The following DOCK3 variants were observed in gnomAD, a reference collection of about 807,000 sequenced individuals.
The protein encoded by DOCK3 is dedicator of cytokinesis 3, also known as dedicator of cytokinesis protein 3.
Under a neutral mutation model 265.6 loss-of-function variants are expected in DOCK3, and 60 were observed. The ratio of observed to expected loss-of-function variants is 0.23; its 90% CI spans 0.18 to 0.28. DOCK3 has a LOEUF of 0.28. Ranked by LOEUF, DOCK3 falls within the 10% of genes least tolerant of loss-of-function variation. DOCK3 has a pLI of 1.00. For synonymous variants in DOCK3, 881 were observed against 938.0 expected (o/e 0.94, Z 1.11); for missense variants, 1,981 against 2,594.3 (o/e 0.76, Z 5.14).
At position 51,354,862 on chromosome 3, in the gene DOCK3, T is replaced by C; in HGVS notation, c.4108-20T>C. ...CTACAAGCAAAGCATACATAGAGTG[T>C]GCTCTTCTGTTTGTGGCAGAACAAA... is the stretch of plus-strand genomic sequence containing the variant. On this transcript the variant is annotated intron_variant, in intron 40 of 52. Coordinates refer to ENST00000266037, the MANE Select transcript of DOCK3 (RefSeq NM_004947.5). 6.2e-7 allele frequency: 1 copy of C among 1,611,706 alleles called. No individual in the cohort carries two copies. Among genetic ancestry groups the C allele is most frequent in the South Asian group, 1.1e-5 (1 of 90,684 alleles).
chr3:51,189,433 G>A (rs1397675673), intron 12 of DOCK3, among the ~76,000 whole-genome samples: 1 of 151,922 alleles, frequency 6.6e-6, no homozygotes, highest in Non-Finnish European at 1.5e-5. Context: ...CCCTTTCTGA[G>A]TCTCTAAAGT....
At chr3:50,733,477 C>T (rs572721706) in intron 1 of DOCK3, among the ~76,000 whole-genome samples, 86 of 152,188 alleles carry the variant, frequency 5.7e-4, no homozygotes, top group Admixed American at 1.8e-3. Context: ...TATATAATGC[C>T]CATATTTGTC....
At chr3:51,375,613 C>A in intron 50 of DOCK3, 135 bp from the exon 51 acceptor site, 1 of 958,720 alleles carries the variant, frequency 1.0e-6, no homozygotes, top group Non-Finnish European at 1.6e-6. Context: ...CAGTATATCT[C>A]AAGTGTGAGC....
intron 1 of DOCK3, among the ~76,000 whole-genome samples, chr3:50,691,384 A>G (rs182991119): frequency 2.6e-5 from 4 of 151,744 alleles, no homozygotes; most frequent in Admixed American, 2.6e-4. Context: ...GGTGTAGTCT[A>G]TGTTAGAACT....
chr3:51,260,219 G>C lies in DOCK3; in HGVS notation c.2248G>C (p.Gly750Arg). 6.2e-7 allele frequency: 1 copy of C among 1,613,856 alleles called. No individual in the cohort carries two copies. The highest frequency in any genetic ancestry group is 8.5e-7 in the Non-Finnish European group (1 of 1,179,846). ...GATCCTGTACTCACGAGCCACTTGT[G>C]GAATGGAAGAGGAACAATTCAGATC... Reference protein sequence around the residue: ...SRILYSRATCGMEEEQFRSSI... With the variant: ...SRILYSRATCRMEEEQFRSSI... The change falls in exon 23 of 53, where the codon GGA (glycine) becomes CGA (arginine). Residue 750 changes from glycine (G) to arginine (R), a missense_variant. Gly to Arg is a moderately radical substitution (Grantham distance 125). Around this residue, in one of 4 missense-constraint regions of DOCK3, gnomAD observed 1,357 missense variants for 1,866.8 expected, o/e 0.73. Transcript: ENST00000266037.
chr3:50,895,204 C>A, intron 4 of DOCK3, among the ~76,000 whole-genome samples: 1 of 121,956 alleles, frequency 8.2e-6, no homozygotes, highest in African/African-American at 3.0e-5. Flanking sequence ...TTTATCCCCG[C>A]TTTTTTTTTT....
chr3:50,773,814 A>G (rs1199708329), intron 1 of DOCK3, among the ~76,000 whole-genome samples: 2 of 152,018 alleles, frequency 1.3e-5, no homozygotes, highest in Non-Finnish European at 2.9e-5. Flanking sequence ...AGGGTGGACC[A>G]TTTATTTTTC....
intron 5 of DOCK3, among the ~76,000 whole-genome samples, chr3:51,063,891 G>A (rs1267706858): frequency 2.6e-5 from 4 of 152,146 alleles, no homozygotes; most frequent in Admixed American, 6.5e-5. Context: ...AGAGGGAGTC[G>A]GGGAAGGACA....
At chr3:50,901,049 T>C (rs1025973269) in intron 4 of DOCK3, 11 of 308,246 alleles carry the variant, frequency 3.6e-5, no homozygotes, top group African/African-American at 2.5e-4. Flanking sequence ...GGCTGGAACA[T>C]TTAAGTCTGC....
At chr3:50,687,035 C>T (rs978910432) in intron 1 of DOCK3, among the ~76,000 whole-genome samples, 1 of 151,582 alleles carries the variant, frequency 6.6e-6, no homozygotes, top group South Asian at 2.1e-4. Context: ...CATGGTGAAA[C>T]CCCATCGCTA....
chr3:51,133,322 C>T (rs1346810440), intron 9 of DOCK3, among the ~76,000 whole-genome samples: 1 of 114,086 alleles, frequency 8.8e-6, no homozygotes, highest in African/African-American at 3.3e-5. Flanking sequence ...CCTCCCCCCA[C>T]CCCATGACAG....
intron 3 of DOCK3, among the ~76,000 whole-genome samples, chr3:50,847,853 A>T (rs1298682693): frequency 2.5e-5 from 3 of 120,618 alleles, no homozygotes; most frequent in African/African-American, 9.6e-5. Flanking sequence ...ACTGCACTCC[A>T]GCCTGGGTGA....
At chr3:51,339,835 A>G (rs950670617) in intron 37 of DOCK3, among the ~76,000 whole-genome samples, 6 of 152,370 alleles carry the variant, frequency 3.9e-5, no homozygotes, top group African/African-American at 1.2e-4. Flanking sequence ...GTGATAGATC[A>G]GGAAATTTAA....
intron 5 of DOCK3, among the ~76,000 whole-genome samples, chr3:50,988,373 A>G (rs1433052498): frequency 6.6e-6 from 1 of 152,148 alleles, no homozygotes; most frequent in Non-Finnish European, 1.5e-5. Context: ...TCTCTGGCTG[A>G]CAGAAATTTG....
chr3:51,233,347 TATCTATC>T (rs1439278367), intron 19 of DOCK3, among the ~76,000 whole-genome samples: 2,050 of 38,818 alleles, frequency 0.053, 18 homozygotes, highest in South Asian at 0.17. Context: ...TCTATCTATC[TATCTATC>T]TATCTATTTA....
chr3:50,798,304 C>T (rs1313821044), intron 2 of DOCK3, among the ~76,000 whole-genome samples: 1 of 152,168 alleles, frequency 6.6e-6, no homozygotes, highest in African/African-American at 2.4e-5. Context: ...AACCACAGTG[C>T]CATAGAAGGA....
chr3:50,913,676 C>T (rs573124459), intron 4 of DOCK3, among the ~76,000 whole-genome samples: 32 of 152,172 alleles, frequency 2.1e-4, no homozygotes, highest in African/African-American at 7.2e-4. Flanking sequence ...ATGATCCCTT[C>T]GTTGGTGGGC....
intron 3 of DOCK3, among the ~76,000 whole-genome samples, chr3:50,874,688 T>C (rs2047614538): frequency 1.3e-5 from 2 of 152,174 alleles, no homozygotes; most frequent in African/African-American, 4.8e-5. Context: ...TATTCCTAAG[T>C]ATTTTATTTT....
At chr3:51,339,768 C>T (rs908371771) in intron 37 of DOCK3, among the ~76,000 whole-genome samples, 3 of 152,328 alleles carry the variant, frequency 2.0e-5, no homozygotes, top group East Asian at 1.9e-4. Context: ...GCCATTTTCT[C>T]CACTGTGGTG....
Sources: allele counts gnomAD v4.1 joint callset (sites outside exome capture counted in the v4.1 genomes callset), GRCh38; gene constraint gnomAD v4.1.1; regional missense constraint gnomAD v4.1.1; transcripts MANE v1.5; gene names NCBI Gene and HGNC (gene_info 2026-07-23, HGNC 2026-07-21).